The following FGF18 variants were observed in gnomAD, a reference collection of about 807,000 sequenced individuals.
The protein encoded by FGF18 is fibroblast growth factor 18.
Under a neutral mutation model 23.0 loss-of-function variants are expected in FGF18, and 5 were observed. The observed-to-expected ratio is 0.22, with a 90% CI of 0.11 to 0.46. The LOEUF (loss-of-function observed/expected upper bound fraction) is 0.46, where lower values mean the gene tolerates loss of function less well. Among genes scored for constraint, FGF18 ranks in the 20% least tolerant of loss-of-function variants. The pLI is 0.99. For synonymous variants in FGF18, 117 were observed against 118.9 expected (o/e 0.98, Z 0.10); for missense variants, 180 against 291.6 (o/e 0.62, Z 2.79).
intron 3 of FGF18, among the ~76,000 whole-genome samples, chr5:171,446,363 A>G (rs1372968055): frequency 6.6e-6 from 1 of 151,974 alleles, no homozygotes; most frequent in Non-Finnish European, 1.5e-5. Context: ...GTCCCTCCAG[A>G]CCTGGGGGCC....
intron 4 of FGF18, among the ~76,000 whole-genome samples, chr5:171,452,716 C>T (rs181114200): frequency 1.4e-4 from 22 of 152,254 alleles, no homozygotes; most frequent in Middle Eastern, 3.4e-3. Flanking sequence ...CTGATGAGTC[C>T]TTTTTGGGGC....
intron 2 of FGF18, among the ~76,000 whole-genome samples, chr5:171,429,843 C>T (rs905885373): frequency 1.3e-5 from 2 of 152,258 alleles, no homozygotes; most frequent in African/African-American, 2.4e-5. Flanking sequence ...ATATTCCAAC[C>T]TCCTTACCCC....
In FGF18 at chr5:171,436,322, T is replaced by G. The variant is rs1581273937; in HGVS notation, c.250+49T>G. 2.9e-6 allele frequency: 4 copies of G among 1,376,478 alleles called. No individual in the cohort carries two copies. The highest frequency in any genetic ancestry group is 3.0e-5 in the African/African-American group (2 of 67,598). 85.3% of individuals were successfully genotyped at this position (1,376,478 alleles called of 1,614,324 possible). On this transcript the variant is annotated intron_variant, in intron 3 of 4. Coordinates refer to ENST00000274625, the MANE Select transcript of FGF18 (RefSeq NM_003862.3). This position sits in a 1 kb window ranked among gnomAD's most constrained non-coding sequence, Gnocchi z 4.4. ...ACTCCGTGTACCCGTGTACATGTCC[T>G]TCCTGGCCTCAGAGACCTCAAGTTC... is the stretch of plus-strand genomic sequence containing the variant.
rs1581280111 is a variant in FGF18, at chr5:171,451,147, C to T, written c.357+1894C>T. ...GGCTCCGATTTCCTGCCCCCTCGCC[C>T]TCTCTCCCGTCATTAATATTGGTGA... On this transcript the variant is annotated intron_variant, in intron 4 of 4. Coordinates refer to ENST00000274625, the MANE Select transcript of FGF18 (RefSeq NM_003862.3). This position sits in a 1 kb window ranked among gnomAD's most constrained non-coding sequence, Gnocchi z 4.5. Among the ~76,000 whole-genome samples, 3 of 152,032 alleles carry T rather than the reference C, an allele frequency of 2.0e-5. No individual in the cohort carries two copies. The highest frequency in any genetic ancestry group is 3.9e-4 in the East Asian group (2 of 5,112).
At chr5:171,438,479 G>A (rs189086671) in intron 3 of FGF18, among the ~76,000 whole-genome samples, 92 of 152,232 alleles carry the variant, frequency 6.0e-4, no homozygotes, top group African/African-American at 2.1e-3. Context: ...AGTGGGTCTC[G>A]GGGGCGAGGC....
intron 3 of FGF18, among the ~76,000 whole-genome samples, chr5:171,439,961 C>T (rs1186417934): frequency 1.3e-5 from 2 of 152,122 alleles, no homozygotes; most frequent in African/African-American, 4.8e-5. Flanking sequence ...CCAGAATAAC[C>T]CTGGGCAGGC....
chr5:171,437,544 T>C (rs11955153), intron 3 of FGF18, among the ~76,000 whole-genome samples: 42,537 of 152,068 alleles, frequency 0.28, 6,484 homozygotes, highest in African/African-American at 0.41. Flanking sequence ...GTTCCCCGTT[T>C]TGTTTTTGTC....
rs79322526 is a variant in FGF18 at position 171,452,260 on chromosome 5, G to A, written c.357+3007G>A. On this transcript the variant is annotated intron_variant, in intron 4 of 4. Transcript: ENST00000274625. ...TAAGTGTTAGTCCCTTTCCCCTTTGGAGCCAGGTCACGAGGTCACTTCTTC... is the reference window on the plus strand; with the variant it reads ...TAAGTGTTAGTCCCTTTCCCCTTTGAAGCCAGGTCACGAGGTCACTTCTTC... Among the ~76,000 whole-genome samples, 725 of 152,310 alleles carry A rather than the reference G, an allele frequency of 4.8e-3. 5 individuals are homozygous for A. The highest frequency in any genetic ancestry group is 0.034 in the Middle Eastern group (10 of 294).
Position 171,456,790 on chromosome 5 carries a change from C to T in FGF18, c.609C>T (p.Pro203=). ...CCAAGAGGTCCCGTCGGATCCGGCCCACACACCCTGCCTAGGCCACCCCGC... is the reference window on the plus strand; with the variant it reads ...CCAAGAGGTCCCGTCGGATCCGGCCTACACACCCTGCCTAGGCCACCCCGC... ...TVTKRSRRIR[P]THPA is the part of the protein sequence containing the mutation. Residue 203 remains proline, a synonymous_variant, in exon 5 of 5, where the codon CCC becomes CCT. Transcript: ENST00000274625. The surrounding 1 kb of genome is among the most constrained non-coding windows in gnomAD (Gnocchi z 6.1). 6.2e-7 allele frequency: 1 copy of T among 1,613,336 alleles called. No individual in the cohort carries two copies. Among genetic ancestry groups the T allele is most frequent in the Non-Finnish European group, 8.5e-7 (1 of 1,179,606 alleles).
At chr5:171,431,237 T>A (rs1772178032) in intron 2 of FGF18, among the ~76,000 whole-genome samples, 1 of 152,158 alleles carries the variant, frequency 6.6e-6, no homozygotes, top group Non-Finnish European at 1.5e-5. Flanking sequence ...CCTCTTTTCA[T>A]CACGTGGAAG....
rs144233077 is a variant in FGF18, at chr5:171,435,731, C to T, written c.70-362C>T. Among the ~76,000 whole-genome samples the T allele has an allele frequency of 3.5e-3, 528 of 152,306 alleles. 5 individuals are homozygous for T. Among genetic ancestry groups the T allele is most frequent in the South Asian group, 0.034 (163 of 4,808 alleles). Reference sequence around the variant, plus strand: ...TTCCCGTTTGCTCACTTAGTCCTCACAGCTACCCTGGGATGGAATCAGGGT... The same window carrying T: ...TTCCCGTTTGCTCACTTAGTCCTCATAGCTACCCTGGGATGGAATCAGGGT... On this transcript the variant is annotated intron_variant, in intron 2 of 4. Transcript: ENST00000274625.
Position 171,436,598 on chromosome 5 carries a change from AGC to A in FGF18, c.250+326_250+327del. 6.6e-6 allele frequency among the ~76,000 whole-genome samples: 1 copy of A among 152,196 alleles called. No homozygotes were observed. The highest frequency in any genetic ancestry group is 1.5e-5 in the Non-Finnish European group (1 of 68,036). On this transcript the variant is annotated intron_variant, in intron 3 of 4. Coordinates refer to ENST00000274625, the MANE Select transcript of FGF18 (RefSeq NM_003862.3). This position sits in a 1 kb window ranked among gnomAD's most constrained non-coding sequence, Gnocchi z 4.4. Reference sequence around the variant, plus strand: ...GGCTGTTCCCATGCCACCACTCACCAGCCCCAGGTTCAGCCACTTCAAGGGGC... The same window carrying A: ...GGCTGTTCCCATGCCACCACTCACCACCCAGGTTCAGCCACTTCAAGGGGC...
chr5:171,445,741 G>C (rs1161448947), intron 3 of FGF18, among the ~76,000 whole-genome samples: 1 of 152,140 alleles, frequency 6.6e-6, no homozygotes, highest in Non-Finnish European at 1.5e-5. Flanking sequence ...GCAAGGGGAA[G>C]GGGCTGTTGA....
intron 4 of FGF18, among the ~76,000 whole-genome samples, chr5:171,455,250 C>T (rs113478755): frequency 6.6e-4 from 101 of 152,226 alleles, no homozygotes; most frequent in African/African-American, 2.4e-3. Context: ...GATCCCACAA[C>T]CGACGGCACA....
chr5:171,438,204 C>T (rs910066548), intron 3 of FGF18, among the ~76,000 whole-genome samples: 20 of 151,062 alleles, frequency 1.3e-4, no homozygotes, highest in Admixed American at 2.0e-4. Flanking sequence ...TGGGTTCAAG[C>T]GATTCTCCTG....
intron 4 of FGF18, among the ~76,000 whole-genome samples, chr5:171,455,230 A>G (rs1322248473): frequency 6.6e-6 from 1 of 152,238 alleles, no homozygotes; most frequent in East Asian, 1.9e-4. Flanking sequence ...ACATCGGCCC[A>G]GGAGCCTGAG....
intron 2 of FGF18, among the ~76,000 whole-genome samples, chr5:171,423,796 T>C (rs1484384910): frequency 6.7e-6 from 1 of 148,768 alleles, no homozygotes; most frequent in African/African-American, 2.5e-5. Flanking sequence ...TTTTTTTTTT[T>C]TGTGCTCTGT....
intron 3 of FGF18, among the ~76,000 whole-genome samples, chr5:171,437,602 C>T (rs953842170): frequency 6.6e-6 from 1 of 151,396 alleles, no homozygotes; most frequent in Admixed American, 6.6e-5. Context: ...TCCTTCGGAC[C>T]ACAGCTTCCC....
At chr5:171,435,919 G>C (rs148705387) in intron 2 of FGF18, among the ~76,000 whole-genome samples, 174 bp from the exon 3 acceptor site, 8 of 152,160 alleles carry the variant, frequency 5.3e-5, no homozygotes, top group Non-Finnish European at 8.8e-5. Flanking sequence ...TCAGAGCCCC[G>C]GTTGCCTTGT....
Sources: gnomAD v4.1 joint callset for allele counts (sites outside exome capture counted in the v4.1 genomes callset) on GRCh38, gnomAD v4.1.1 for gene constraint, Gnocchi (gnomAD v3.1) non-coding constraint, MANE v1.5 for transcripts, NCBI Gene and HGNC (gene_info 2026-07-23, HGNC 2026-07-21) for gene names.